LRP1B: variants seen among roughly 807,000 people sequenced by gnomAD.
LRP1B encodes LDL receptor related protein 1B.
A neutral mutation model predicts 556.6 loss-of-function variants in LRP1B; 217 were observed. That is an observed-to-expected ratio of 0.39 (90% CI 0.35 to 0.44). The LOEUF (loss-of-function observed/expected upper bound fraction) is 0.44, where lower values mean the gene tolerates loss of function less well. Among genes scored for constraint, LRP1B ranks in the 20% least tolerant of loss-of-function variants. LRP1B has a pLI of 1.00. For synonymous variants in LRP1B, 2,047 were observed against 1,865.8 expected (o/e 1.10, Z -2.50); for missense variants, 5,053 against 5,620.8 (o/e 0.90, Z 3.23).
chr2:141,151,547 A>G (rs897114949), intron 7 of LRP1B, among the ~76,000 whole-genome samples: 5 of 152,098 alleles, frequency 3.3e-5, no homozygotes, highest in African/African-American at 1.2e-4. Flanking sequence ...CTAAGACACA[A>G]TTGCTTATTT....
At chr2:141,956,091 T>C (rs1701243144) in intron 1 of LRP1B, among the ~76,000 whole-genome samples, 1 of 152,030 alleles carries the variant, frequency 6.6e-6, no homozygotes, top group Non-Finnish European at 1.5e-5. Context: ...TGAGTATCTG[T>C]TTCTAGCTGG....
At position 140,501,885 on chromosome 2, in the gene LRP1B, AAT is replaced by A. The variant is rs1689213234; in HGVS notation, c.8663-13_8663-12del. 1 of 1,581,492 alleles carries A rather than the reference AAT, an allele frequency of 6.3e-7. No homozygotes were observed. Among genetic ancestry groups the A allele is most frequent in the African/African-American group, 1.4e-5 (1 of 73,758 alleles). ...TGTTGCATGACTGTTCTGGAAAAAA[AAT>A]AAAACAAATGGAACATAAAGGGCAT... On this transcript the variant is annotated splice_polypyrimidine_tract_variant and intron_variant, in intron 54 of 90. Coordinates refer to ENST00000389484, the MANE Select transcript of LRP1B (RefSeq NM_018557.3).
chr2:140,769,248 C>G lies in LRP1B; in HGVS notation c.5723G>C (p.Gly1908Ala), dbSNP rs1176993925. 1 of 1,612,142 alleles carries G rather than the reference C, an allele frequency of 6.2e-7. No individual in the cohort carries two copies. Among genetic ancestry groups the G allele is most frequent in the South Asian group, 1.1e-5 (1 of 91,020 alleles). ...ATCTATTCCCACGGCAAATGAAGTT[C>G]CTGATATAGGCATCAAAGCATCCAT... is the stretch of plus-strand genomic sequence containing the variant. ...DKMDALMPISGTSFAVGIDFH... is the reference protein window; with the variant it reads ...DKMDALMPISATSFAVGIDFH... The change falls in exon 35 of 91, where the codon GGA becomes GCA. Residue 1908 changes from glycine to alanine, a missense_variant. Coordinates refer to ENST00000389484, the MANE Select transcript of LRP1B (RefSeq NM_018557.3).
At chr2:141,391,461 G>A (rs1231881412) in intron 3 of LRP1B, among the ~76,000 whole-genome samples, 1 of 152,180 alleles carries the variant, frequency 6.6e-6, no homozygotes, top group Non-Finnish European at 1.5e-5. Flanking sequence ...ACAGGCAACA[G>A]AGATGGTGGC....
chr2:141,714,210 T>C (rs774942884), intron 2 of LRP1B, among the ~76,000 whole-genome samples: 2 of 152,182 alleles, frequency 1.3e-5, no homozygotes, highest in Non-Finnish European at 2.9e-5. Flanking sequence ...TTTGGTTTTC[T>C]GGATCTATGT....
At chr2:141,077,853 C>G (rs568921575) in intron 7 of LRP1B, among the ~76,000 whole-genome samples, 3 of 152,080 alleles carry the variant, frequency 2.0e-5, no homozygotes, top group Non-Finnish European at 4.4e-5. Context: ...AGAATTTTGA[C>G]TAATACAGTA....
intron 47 of LRP1B, among the ~76,000 whole-genome samples, chr2:140,528,836 C>T (rs1690555228): frequency 6.6e-6 from 1 of 151,944 alleles, no homozygotes; most frequent in South Asian, 2.1e-4. Context: ...CATCTCTTGC[C>T]AAAACCTCTT....
intron 1 of LRP1B, among the ~76,000 whole-genome samples, chr2:142,052,105 C>T (rs1303885635): frequency 2.6e-5 from 4 of 151,916 alleles, no homozygotes; most frequent in African/African-American, 9.6e-5. Flanking sequence ...AATCAAACAA[C>T]TAAAAATAGT....
Position 140,989,068 on chromosome 2 carries a change from TG to T in LRP1B, c.2770+463del, listed in dbSNP as rs1697012653. Among the ~76,000 whole-genome samples, 7 of 152,064 alleles carry T rather than the reference TG, an allele frequency of 4.6e-5. 1 individual carries two copies. The South Asian group carries it at 1.5e-3, about 32-fold the overall frequency. On this transcript the variant is annotated intron_variant, in intron 17 of 90. Transcript: ENST00000389484. ...ATAGGCTAGTGGTCTTGAGATTTCATGGGGAAAAAAACCTACTTCACATAAA... is the reference window on the plus strand; with the variant it reads ...ATAGGCTAGTGGTCTTGAGATTTCATGGGAAAAAAACCTACTTCACATAAA...
intron 7 of LRP1B, among the ~76,000 whole-genome samples, chr2:141,124,688 A>G (rs868144644): frequency 2.0e-5 from 3 of 151,956 alleles, no homozygotes; most frequent in Middle Eastern, 3.4e-3. Context: ...AAAGAAAAAA[A>G]TACTTTAAAG....
chr2:141,512,620 C>T (rs1684171407), intron 2 of LRP1B, among the ~76,000 whole-genome samples: 1 of 152,128 alleles, frequency 6.6e-6, no homozygotes, highest in Non-Finnish European at 1.5e-5. Context: ...ATTTATATTT[C>T]ATGTGAACTC....
At chr2:141,390,376 A>G (rs1450317456) in intron 3 of LRP1B, among the ~76,000 whole-genome samples, 1 of 152,234 alleles carries the variant, frequency 6.6e-6, no homozygotes, top group Non-Finnish European at 1.5e-5. Flanking sequence ...ACCTGGAGTA[A>G]AAAACGTTTG....
chr2:140,853,445 C>T (rs1038962606), intron 27 of LRP1B, among the ~76,000 whole-genome samples: 3 of 152,046 alleles, frequency 2.0e-5, no homozygotes, highest in Non-Finnish European at 4.4e-5. Flanking sequence ...ATCTGTCTTT[C>T]GTTACAGACC....
chr2:140,390,621 G>C (rs879325683), intron 66 of LRP1B, among the ~76,000 whole-genome samples: 264 of 151,986 alleles, frequency 1.7e-3, no homozygotes, highest in Non-Finnish European at 3.3e-3. Flanking sequence ...GTCTTTAAAA[G>C]ACACCATTAA....
Position 141,209,600 on chromosome 2 carries a change from A to G in LRP1B, c.850+19583T>C, listed in dbSNP as rs560931443. On this transcript the variant is annotated intron_variant, in intron 6 of 90. Transcript: ENST00000389484. ...GCTAATAGCATTATAATCTACAATA[A>G]GGTTATATAACATGCAAAATTTCAC... 1.3e-4 allele frequency among the ~76,000 whole-genome samples: 20 copies of G among 152,342 alleles called. No individual in the cohort carries two copies. In the East Asian group the frequency reaches 3.5e-3, roughly 26 times the overall value.
chr2:140,594,046 C>T (rs1406043722), intron 43 of LRP1B, among the ~76,000 whole-genome samples: 2 of 151,554 alleles, frequency 1.3e-5, no homozygotes, highest in Admixed American at 6.6e-5. Flanking sequence ...GACATGATGT[C>T]GGCTTACTGC....
In LRP1B at chr2:142,095,999, A is replaced by T. The variant is rs180753270; in HGVS notation, c.82+34649T>A. Among the ~76,000 whole-genome samples, 8 of 151,858 alleles carry T rather than the reference A, an allele frequency of 5.3e-5. No individual in the cohort carries two copies. The East Asian group carries it at 1.5e-3, about 29-fold the overall frequency. On this transcript the variant is annotated intron_variant, in intron 1 of 90. Transcript: ENST00000389484. ...CAATTGTGAAAACCAAGGTGACATT[A>T]ACTGGAATTCAGTGTGGGTGCCAGG...
At chr2:140,641,587 T>C (rs1393627877) in intron 41 of LRP1B, among the ~76,000 whole-genome samples, 4 of 152,180 alleles carry the variant, frequency 2.6e-5, no homozygotes, top group Non-Finnish European at 5.9e-5. Flanking sequence ...CTACACTGTG[T>C]CCCGTGTTTT....
At chr2:141,391,758 C>A (rs979942473) in intron 3 of LRP1B, among the ~76,000 whole-genome samples, 1 of 152,032 alleles carries the variant, frequency 6.6e-6, no homozygotes, top group Non-Finnish European at 1.5e-5. Flanking sequence ...AGTCTGGGAT[C>A]GAACAAGGGA....
Sources: gnomAD v4.1 joint callset for allele counts (sites outside exome capture counted in the v4.1 genomes callset) on GRCh38, gnomAD v4.1.1 for gene constraint, MANE v1.5 for transcripts, NCBI Gene and HGNC (gene_info 2026-07-23, HGNC 2026-07-21) for gene names.